Variants in APAF1 observed in about 807,000 individuals in gnomAD.
APAF1 encodes the protein apoptotic peptidase activating factor 1, also known as apoptotic protease-activating factor 1.
APAF1 carries 91 observed loss-of-function variants against 152.4 expected under a neutral mutation model. That is an observed-to-expected ratio of 0.60 (90% CI 0.50 to 0.71). The LOEUF (loss-of-function observed/expected upper bound fraction) is 0.71. Ranked by LOEUF, APAF1 falls within the 30% of genes least tolerant of loss-of-function variation. The pLI, the probability that APAF1 is intolerant of heterozygous loss-of-function variation, is 0.00. For missense variants in APAF1, 1,283 were observed against 1,472.0 expected, an observed-to-expected ratio of 0.87 and a Z score of 2.10; for synonymous variants, 484 against 494.1, an observed-to-expected ratio of 0.98 and a Z score of 0.27.
intron 9 of APAF1, among the ~76,000 whole-genome samples, chr12:98,667,183 A>C (rs1016933661): frequency 6.6e-6 from 1 of 151,652 alleles, no homozygotes; most frequent in Non-Finnish European, 1.5e-5. Flanking sequence ...TGCAATCTTA[A>C]ACTCCTGGGC....
intron 9 of APAF1, among the ~76,000 whole-genome samples, chr12:98,666,845 G>A (rs2097673464): frequency 1.4e-5 from 2 of 145,254 alleles, no homozygotes; most frequent in Non-Finnish European, 3.1e-5. Flanking sequence ...GAGAGTACTT[G>A]GTGGTTTTTA....
At position 98,732,718 on chromosome 12, in the gene APAF1, T is replaced by G; in HGVS notation, c.*152T>G. 1.6e-6 allele frequency: 1 copy of G among 610,242 alleles called. No homozygotes were observed. Among genetic ancestry groups the G allele is most frequent in the Non-Finnish European group, 2.9e-6 (1 of 349,466 alleles). The allele number at this position is 610,242 out of a possible 1,614,324, so 37.8% of individuals were successfully genotyped here. On this transcript the variant is annotated 3_prime_UTR_variant, in exon 27 of 27. Coordinates refer to ENST00000551964, the MANE Select transcript of APAF1 (RefSeq NM_181861.2). ...GTGTTTGTGGTTGGATGAATAATATTAATGTAGCTTTTTCCCAAATGAACA... is the reference window on the plus strand; with the variant it reads ...GTGTTTGTGGTTGGATGAATAATATGAATGTAGCTTTTTCCCAAATGAACA...
intron 5 of APAF1, among the ~76,000 whole-genome samples, chr12:98,661,190 T>C (rs533761458): frequency 2.6e-5 from 4 of 152,244 alleles, no homozygotes; most frequent in South Asian, 2.1e-4. Context: ...CGTGAGCCAC[T>C]GCGCTCGGCC....
chr12:98,683,123 T>G lies in APAF1; in HGVS notation c.2047-20T>G, dbSNP rs1298993741. 6.2e-7 allele frequency: 1 copy of G among 1,603,460 alleles called. No homozygotes were observed. Among genetic ancestry groups the G allele is most frequent in the Non-Finnish European group, 8.5e-7 (1 of 1,172,288 alleles). On this transcript the variant is annotated intron_variant, in intron 14 of 26. Transcript: ENST00000551964. ...TTGAAAATAATGGATATTTGTAAAT[T>G]TTTTCTCTTTTCTCTTTAGATTTGG...
At position 98,706,548 on chromosome 12, in the gene APAF1, G is replaced by A; in HGVS notation, c.2659G>A (p.Gly887Ser). ...DCRGHLSWVH[G>S]VMFSPDGSSF... The stretch of plus-strand genomic sequence containing the variant: ...CAGAGGACATTTAAGTTGGGTTCAT[G>A]GTGTGATGTTTTCTCCTGATGGATC... Residue 887 changes from glycine (G) to serine (S), a missense_variant, in exon 19 of 27, where the codon GGT becomes AGT. Transcript: ENST00000551964. 6.2e-7 allele frequency: 1 copy of A among 1,613,984 alleles called. No homozygotes were observed. Among genetic ancestry groups the A allele is most frequent in the Admixed American group, 1.7e-5 (1 of 60,026 alleles).
intron 18 of APAF1, among the ~76,000 whole-genome samples, chr12:98,705,240 G>T (rs1006689353): frequency 6.6e-6 from 1 of 152,170 alleles, no homozygotes; most frequent in East Asian, 1.9e-4. Context: ...AACAATGAAA[G>T]AGTATCTTCC....
At position 98,699,400 on chromosome 12, in the gene APAF1, A is replaced by AT; in HGVS notation, c.2305-6dup. Reference sequence around the variant, plus strand: ...AAACTTTTTCTTTTTTATTACTTTAATTCAAAGCTTTGGGATGCGACATCA... The same window carrying AT: ...AAACTTTTTCTTTTTTATTACTTTAATTTCAAAGCTTTGGGATGCGACATCA... On this transcript the variant is annotated splice_polypyrimidine_tract_variant and splice_region_variant and intron_variant, in intron 16 of 26. Coordinates refer to ENST00000551964, the MANE Select transcript of APAF1 (RefSeq NM_181861.2). The AT allele has an allele frequency of 6.2e-7, 1 of 1,613,630 alleles. No homozygotes were observed. The highest frequency in any genetic ancestry group is 1.1e-5 in the South Asian group (1 of 90,976).
At chr12:98,680,798 G>A (rs534120090) in intron 14 of APAF1, among the ~76,000 whole-genome samples, 88 of 152,318 alleles carry the variant, frequency 5.8e-4, no homozygotes, top group South Asian at 6.2e-4. Context: ...GAAAAGCAAT[G>A]ACAAATTAGT....
rs143274201 is a variant in APAF1, at chr12:98,680,975, A to G, written c.2046+573A>G. Among the ~76,000 whole-genome samples the G allele has an allele frequency of 3.1e-3, 473 of 152,362 alleles. 4 individuals carry two copies. The highest frequency in any genetic ancestry group is 0.011 in the African/African-American group (454 of 41,578). ...TTAATTTGCTTATGAACTGGCTTAT[A>G]TATTCAGTGGAAAACCAGGTGGATG... On this transcript the variant is annotated intron_variant, in intron 14 of 26. Coordinates refer to ENST00000551964, the MANE Select transcript of APAF1 (RefSeq NM_181861.2).
chr12:98,656,008 C>T (rs2097657041), intron 4 of APAF1, among the ~76,000 whole-genome samples: 3 of 152,128 alleles, frequency 2.0e-5, no homozygotes, highest in Admixed American at 2.0e-4. Context: ...TGGTTTCGAT[C>T]TCCTGACCTT....
chr12:98,649,631 G>A lies in APAF1; in HGVS notation c.473G>A (p.Cys158Tyr), dbSNP rs1173629827. The change falls in exon 4 of 27, where the codon TGT becomes TAT. Residue 158 changes from cysteine (C) to tyrosine (Y), a missense_variant. Cys to Tyr is a radical substitution (Grantham distance 194). Coordinates refer to ENST00000551964, the MANE Select transcript of APAF1 (RefSeq NM_181861.2). Reference protein sequence around the residue: ...GWVTIHGMAGCGKSVLAAEAV... With the variant: ...GWVTIHGMAGYGKSVLAAEAV... ...GTCACCATACATGGAATGGCAGGCT[G>A]TGGGAAGTCTGTATTAGCTGCAGAA... The A allele has an allele frequency of 1.9e-6, 3 of 1,614,166 alleles. No individual in the cohort carries two copies. The highest frequency in any genetic ancestry group is 2.2e-5 in the South Asian group (2 of 91,088).
At chr12:98,726,087 G>A (rs527656837) in intron 25 of APAF1, among the ~76,000 whole-genome samples, 2 of 152,162 alleles carry the variant, frequency 1.3e-5, no homozygotes, top group East Asian at 3.8e-4. Flanking sequence ...TTGAGTCACA[G>A]TCTGCATGCT....
At position 98,652,210 on chromosome 12, in the gene APAF1, C is replaced by T. The variant is rs530790260; in HGVS notation, c.526+2526C>T. On this transcript the variant is annotated intron_variant, in intron 4 of 26. Transcript: ENST00000551964. Reference sequence around the variant, plus strand: ...TCAAGTGATGCTCCCGCCTTGGCCTCCCAAAGTGCTGGGGTTACAGATGAA... The same window carrying T: ...TCAAGTGATGCTCCCGCCTTGGCCTTCCAAAGTGCTGGGGTTACAGATGAA... 5.9e-5 allele frequency among the ~76,000 whole-genome samples: 9 copies of T among 152,236 alleles called. No homozygotes were observed. The South Asian group carries it at 1.9e-3, about 32-fold the overall frequency.
At chr12:98,655,465 C>A (rs1355763584) in intron 4 of APAF1, among the ~76,000 whole-genome samples, 3 of 149,112 alleles carry the variant, frequency 2.0e-5, no homozygotes, top group East Asian at 2.0e-4. Flanking sequence ...GGGGCTGACC[C>A]CCCCACCTCC....
chr12:98,715,660 T>A, intron 22 of APAF1, 108 bp downstream of exon 22: 2 of 1,289,334 alleles, frequency 1.6e-6, no homozygotes, highest in Non-Finnish European at 2.2e-6. Flanking sequence ...ACGTTGGGCA[T>A]ACATTCAGAT....
chr12:98,713,154 G>T (rs140383110), intron 21 of APAF1, among the ~76,000 whole-genome samples: 117 of 152,202 alleles, frequency 7.7e-4, no homozygotes, highest in Middle Eastern at 6.8e-3. Flanking sequence ...ATCTTTCTGT[G>T]ATCTATTAGT....
rs749119537 is a variant in APAF1 at position 98,715,577 on chromosome 12, CAT to C, written c.3084+28_3084+29del. The C allele has an allele frequency of 2.5e-6, 4 of 1,611,820 alleles. No homozygotes were observed. The Admixed American group carries it at 6.7e-5, about 27-fold the overall frequency. ...GGTGAGAGGGAGGATGAACTCTTAA[CAT>C]ATTTAATGCTGATTCTAGCAAAGGA... On this transcript the variant is annotated intron_variant, in intron 22 of 26. Transcript: ENST00000551964.
At chr12:98,678,114 CTT>C (rs2097688469) in intron 13 of APAF1, among the ~76,000 whole-genome samples, 1 of 152,120 alleles carries the variant, frequency 6.6e-6, no homozygotes, top group African/African-American at 2.4e-5. Context: ...TACTTTTAGT[CTT>C]TGCAAGATTA....
rs1164373366 is a variant in APAF1, at chr12:98,665,750, G to A, written c.1153G>A (p.Asp385Asn). The change falls in exon 8 of 27, where the codon GAT (aspartate) becomes AAT (asparagine). Residue 385 changes from aspartate (D) to asparagine (N), a missense_variant. Coordinates refer to ENST00000551964, the MANE Select transcript of APAF1 (RefSeq NM_181861.2). Reference sequence around the variant, plus strand: ...AGAAGACATCAAAGATTATTACACAGATCTTTCCATCCTTCAGAAGGACGT... The same window carrying A: ...AGAAGACATCAAAGATTATTACACAAATCTTTCCATCCTTCAGAAGGACGT... ...LREDIKDYYT[D>N]LSILQKDVKV... 1 of 1,613,888 alleles carries A rather than the reference G, an allele frequency of 6.2e-7. No homozygotes were observed. The highest frequency in any genetic ancestry group is 1.3e-5 in the African/African-American group (1 of 75,042).
Sources: allele counts gnomAD v4.1 joint callset (sites outside exome capture counted in the v4.1 genomes callset), GRCh38; gene constraint gnomAD v4.1.1; transcripts MANE v1.5; gene names NCBI Gene and HGNC (gene_info 2026-07-23, HGNC 2026-07-21).